The following ANKRD18B variants were observed in gnomAD, a reference collection of about 807,000 sequenced individuals.
ANKRD18B encodes ankyrin repeat domain-containing protein 18B.
ANKRD18B carries 75 observed loss-of-function variants against 111.8 expected under a neutral mutation model. The ratio of observed to expected loss-of-function variants is 0.67; its 90% CI spans 0.56 to 0.81. The LOEUF is 0.81. Ranked by LOEUF, ANKRD18B falls within the 40% of genes least tolerant of loss-of-function variation. ANKRD18B has a pLI of 0.00. For synonymous variants in ANKRD18B, 356 were observed against 417.3 expected, an observed-to-expected ratio of 0.85 and a Z score of 1.79; for missense variants, 1,038 against 1,225.5, an observed-to-expected ratio of 0.85 and a Z score of 2.28.
Position 33,548,398 on chromosome 9 carries a change from C to T in ANKRD18B, c.1610C>T (p.Thr537Ile), listed in dbSNP as rs1464416849. 3.2e-6 allele frequency: 5 copies of T among 1,550,630 alleles called. 1 individual carries two copies. In the Admixed American group the frequency reaches 9.8e-5, roughly 31 times the overall value. ...ETMGSNISQL[T>I]DKNELLTEQV... is the part of the protein sequence containing the mutation. ...ATGGGTTCTAATATTTCTCAACTAA[C>T]AGATAAGAATGAGTTGCTTACTGAA... The change falls in exon 11 of 19, where the codon ACA (threonine) becomes ATA (isoleucine). Residue 537 changes from threonine (T) to isoleucine (I), a missense_variant. This residue lies in a region of ANKRD18B where 524 missense variants were observed against 677.9 expected (regional missense o/e 0.77). Transcript: ENST00000684830.
Position 33,572,915 on chromosome 9 carries a change from A to T in ANKRD18B, c.*481A>T, listed in dbSNP as rs1828804335. 3.9e-6 allele frequency: 1 copy of T among 255,012 alleles called. No individual in the cohort carries two copies. Among genetic ancestry groups the T allele is most frequent in the African/African-American group, 2.3e-5 (1 of 43,720 alleles). 15.8% of individuals were successfully genotyped at this position (255,012 alleles called of 1,614,324 possible). ...TTCATGGATGACTTGTGTTTGAACA[A>T]GTATTACTGTGATGGTTGCCAGATG... On this transcript the variant is annotated 3_prime_UTR_variant, in exon 19 of 19. Coordinates refer to ENST00000684830, the MANE Select transcript of ANKRD18B (RefSeq NM_001393611.1).
intron 10 of ANKRD18B, among the ~76,000 whole-genome samples, chr9:33,546,619 T>C (rs1208038560): frequency 6.6e-6 from 1 of 152,170 alleles, no homozygotes; most frequent in Non-Finnish European, 1.5e-5. Flanking sequence ...CTCTGAGCCA[T>C]TAAATTGTTT....
chr9:33,529,675 C>G (rs187563016), intron 3 of ANKRD18B, among the ~76,000 whole-genome samples: 15 of 152,218 alleles, frequency 9.9e-5, no homozygotes, highest in African/African-American at 3.4e-4. Flanking sequence ...AGGGAAAATG[C>G]CAAGAATAGG....
At chr9:33,546,232 T>C (rs1480985202) in intron 10 of ANKRD18B, among the ~76,000 whole-genome samples, 3 of 152,178 alleles carry the variant, frequency 2.0e-5, no homozygotes, top group Non-Finnish European at 2.9e-5. Context: ...CAACAAATAT[T>C]CCCAGCCAAA....
chr9:33,559,100 A>G (rs1396884431), intron 14 of ANKRD18B, among the ~76,000 whole-genome samples: 1 of 152,210 alleles, frequency 6.6e-6, no homozygotes, highest in African/African-American at 2.4e-5. Context: ...CTTAATTAAG[A>G]TAAGGTCATT....
rs773530837 is a variant in ANKRD18B at position 33,528,767 on chromosome 9, G to A, written c.247G>A (p.Val83Met). ...HLACAHGRVQ[V>M]VTLLLDRKCQ... ...GGCCTGTGCCCATGGCCGTGTGCAA[G>A]TGGTCACTCTCTTGCTGGACAGAAA... The change falls in exon 2 of 19, where the codon GTG becomes ATG. Residue 83 changes from valine (V) to methionine (M), a missense_variant. This residue lies in a region of ANKRD18B where 216 missense variants were observed against 205.1 expected (regional missense o/e 1.05). Transcript: ENST00000684830. The A allele has an allele frequency of 2.5e-6, 4 of 1,613,252 alleles. No homozygotes were observed. Among genetic ancestry groups the A allele is most frequent in the East Asian group, 2.2e-5 (1 of 44,896 alleles).
At chr9:33,526,712 A>C (rs750737157) in intron 1 of ANKRD18B, among the ~76,000 whole-genome samples, 8 of 152,050 alleles carry the variant, frequency 5.3e-5, no homozygotes, top group Non-Finnish European at 5.9e-5. Flanking sequence ...TAAAAAGGGA[A>C]TCTTTTTATC....
At chr9:33,541,039 G>A in intron 8 of ANKRD18B, 108 bp from the exon 9 acceptor site, 3 of 1,350,534 alleles carry the variant, frequency 2.2e-6, no homozygotes, top group Non-Finnish European at 3.0e-6. Flanking sequence ...GCTTCTAATG[G>A]GTAGGATTTA....
rs749917800 is a variant in ANKRD18B, at chr9:33,528,846, A to G, written c.321+5A>G. The G allele has an allele frequency of 7.5e-6, 12 of 1,598,394 alleles. No homozygotes were observed. Among genetic ancestry groups the G allele is most frequent in the Admixed American group, 1.8e-5 (1 of 56,564 alleles). On this transcript the variant is annotated splice_donor_5th_base_variant and intron_variant, in intron 2 of 18. Coordinates refer to ENST00000684830, the MANE Select transcript of ANKRD18B (RefSeq NM_001393611.1). ...AACAGGACACCTTTAATGAAGGTAT[A>G]TAGTAGCCAACTCAGCATGAAATGG... is the stretch of plus-strand genomic sequence containing the variant.
intron 2 of ANKRD18B, 70 bp downstream of exon 2, chr9:33,528,911 AT>A (rs1448061698): frequency 6.4e-7 from 1 of 1,565,710 alleles, no homozygotes. Flanking sequence ...AATTTGTCTC[AT>A]TTAAATATAG....
chr9:33,544,768 C>A (rs138683640), intron 10 of ANKRD18B, among the ~76,000 whole-genome samples: 2 of 152,010 alleles, frequency 1.3e-5, no homozygotes, highest in African/African-American at 4.8e-5. Flanking sequence ...ACATGGGAGG[C>A]AGAGGTTGTG....
Position 33,524,629 on chromosome 9 carries a change from C to A in ANKRD18B, c.140C>A (p.Ala47Asp). ...CACAGGGCGGCCATCAAGGGCGACG[C>A]CGCAGAGGTGGAGCACTGCCTGACG... ...KIHRAAIKGD[A>D]AEVEHCLTRR... The change falls in exon 1 of 19, where the codon GCC becomes GAC. Residue 47 changes from alanine to aspartate, a missense_variant. Around this residue, in one of 4 missense-constraint regions of ANKRD18B, gnomAD observed 216 missense variants for 205.1 expected, o/e 1.05. Coordinates refer to ENST00000684830, the MANE Select transcript of ANKRD18B (RefSeq NM_001393611.1). 2 of 1,551,590 alleles carry A rather than the reference C, an allele frequency of 1.3e-6. No homozygotes were observed. Among genetic ancestry groups the A allele is most frequent in the East Asian group, 2.4e-5 (1 of 40,926 alleles).
At position 33,524,795 on chromosome 9, in the gene ANKRD18B, C is replaced by T; in HGVS notation, c.206+100C>T. On this transcript the variant is annotated intron_variant, in intron 1 of 18. Coordinates refer to ENST00000684830, the MANE Select transcript of ANKRD18B (RefSeq NM_001393611.1). ...CGGAGTTCGCCGGGACCCTGGGAGC[C>T]GCGGAGCCAAATGGAGCCTCAGCTG... is the stretch of plus-strand genomic sequence containing the variant. The T allele has an allele frequency of 2.1e-6, 3 of 1,399,306 alleles. 1 individual carries two copies. The South Asian group carries it at 4.4e-5, about 20-fold the overall frequency. 86.7% of individuals were successfully genotyped at this position (1,399,306 alleles called of 1,614,324 possible).
At chr9:33,543,666 C>G (rs1188562402) in intron 10 of ANKRD18B, among the ~76,000 whole-genome samples, 1 of 152,104 alleles carries the variant, frequency 6.6e-6, no homozygotes, top group Non-Finnish European at 1.5e-5. Flanking sequence ...TTTTATGTTG[C>G]CAGTCACCAG....
intron 9 of ANKRD18B, among the ~76,000 whole-genome samples, chr9:33,542,216 G>A (rs1219428881): frequency 1.3e-5 from 2 of 149,836 alleles, no homozygotes; most frequent in East Asian, 1.9e-4. Flanking sequence ...CAACAAAGGG[G>A]ATAGACATGC....
chr9:33,548,768 A>G lies in ANKRD18B; in HGVS notation c.1980A>G (p.Leu660=), dbSNP rs751050886. 1.1e-5 allele frequency: 17 copies of G among 1,549,044 alleles called. No individual in the cohort carries two copies. The South Asian group carries it at 1.8e-4, about 16-fold the overall frequency. Residue 660 remains leucine, a synonymous_variant, in exon 11 of 19, where the codon CTA becomes CTG. Transcript: ENST00000684830. ...DCLENGKEDL[L]EERNKELMNE... ...TTGAGAATGGAAAGGAAGATCTTCT[A>G]GAAGAAAGAAATAAGGAATTAATGA... is the stretch of plus-strand genomic sequence containing the variant.
chr9:33,572,748 T>C lies in ANKRD18B; in HGVS notation c.*314T>C. ...TTACACTTTTTATTACCATATATAG[T>C]AGGAGACTTAAAGAGTATCTGCCAG... On this transcript the variant is annotated 3_prime_UTR_variant, in exon 19 of 19. Coordinates refer to ENST00000684830, the MANE Select transcript of ANKRD18B (RefSeq NM_001393611.1). 2.0e-6 allele frequency: 2 copies of C among 1,011,632 alleles called. No homozygotes were observed. The highest frequency in any genetic ancestry group is 4.2e-5 in the South Asian group (1 of 24,000). 62.7% of individuals were successfully genotyped at this position (1,011,632 alleles called of 1,614,324 possible). A position where few individuals can be genotyped will look rare whatever the true frequency, so the allele number is the denominator to read the frequency against.
intron 16 of ANKRD18B, 150 bp downstream of exon 16, chr9:33,567,464 C>A (rs1490899473): frequency 1.5e-6 from 1 of 680,702 alleles, no homozygotes; most frequent in Non-Finnish European, 2.4e-6. Flanking sequence ...AGTAAATAAT[C>A]CCTCCTTTAA....
rs984104845 is a variant in ANKRD18B at position 33,572,300 on chromosome 9, T to A, written c.3224-16T>A. The A allele has an allele frequency of 5.0e-6, 8 of 1,593,212 alleles. No homozygotes were observed. The African/African-American group carries it at 9.4e-5, about 19-fold the overall frequency. ...TGTTTTAGGTAAAGAACATAATCCTTTCTTTTTCTTTCCAGCTTTTGCTGC... is the reference window on the plus strand; with the variant it reads ...TGTTTTAGGTAAAGAACATAATCCTATCTTTTTCTTTCCAGCTTTTGCTGC... On this transcript the variant is annotated splice_polypyrimidine_tract_variant and intron_variant, in intron 18 of 18. Coordinates refer to ENST00000684830, the MANE Select transcript of ANKRD18B (RefSeq NM_001393611.1).
Sources: gnomAD v4.1 joint callset for allele counts (sites outside exome capture counted in the v4.1 genomes callset) on GRCh38, gnomAD v4.1.1 for gene constraint, gnomAD v4.1.1 regional missense constraint, MANE v1.5 for transcripts, NCBI Gene and HGNC (gene_info 2026-07-23, HGNC 2026-07-21) for gene names.